The following CAST variants were observed in gnomAD, a reference collection of about 807,000 sequenced individuals.
CAST encodes MIR583 host.
In CAST, 76 loss-of-function variants were observed where a neutral mutation model predicts 119.6. The ratio of observed to expected loss-of-function variants is 0.64; its 90% CI spans 0.53 to 0.77. The LOEUF (loss-of-function observed/expected upper bound fraction) is 0.77. CAST is among the 30% of genes least tolerant of loss of function. CAST has a pLI of 0.00. For missense variants in CAST, 953 were observed against 946.5 expected (o/e 1.01, Z -0.09); for synonymous variants, 319 against 331.6 (o/e 0.96, Z 0.41).
chr5:96,493,781 G>A, the CAST span, among the ~76,000 whole-genome samples: 1 of 152,184 alleles, frequency 6.6e-6, no homozygotes, highest in Non-Finnish European at 1.5e-5. Context: ...TCTCATGCCT[G>A]TAATCCCAGC....
chr5:96,299,977 T>C, the CAST span, among the ~76,000 whole-genome samples: 7 of 152,304 alleles, frequency 4.6e-5, no homozygotes, highest in South Asian at 1.4e-3. Flanking sequence ...TCTTTACAGT[T>C]GTTTGAGTTG....
chr5:96,089,638 G>A, the CAST span, among the ~76,000 whole-genome samples: 3 of 152,190 alleles, frequency 2.0e-5, no homozygotes, highest in Non-Finnish European at 4.4e-5. Flanking sequence ...AAAAAGGGCT[G>A]TATGTATACA....
At chr5:95,963,702 T>C in the CAST span, among the ~76,000 whole-genome samples, 1 of 151,936 alleles carries the variant, frequency 6.6e-6, no homozygotes, top group Admixed American at 6.6e-5. Context: ...AATTCTGTAC[T>C]TGAACTTTTC....
At chr5:96,453,690 C>A in the CAST span, among the ~76,000 whole-genome samples, 1 of 152,158 alleles carries the variant, frequency 6.6e-6, no homozygotes, top group South Asian at 2.1e-4. Flanking sequence ...CCAAAGCATG[C>A]ATGGAATATG....
intron 3 of CAST, among the ~76,000 whole-genome samples, chr5:96,716,320 A>G (rs1418714600): frequency 2.0e-5 from 3 of 152,226 alleles, no homozygotes; most frequent in Non-Finnish European, 4.4e-5. Flanking sequence ...GACAGTCATA[A>G]CGTAAATGAC....
At chr5:96,172,339 C>A in the CAST span, among the ~76,000 whole-genome samples, 2 of 152,166 alleles carry the variant, frequency 1.3e-5, no homozygotes, top group Admixed American at 1.3e-4. Flanking sequence ...TTTTGTGATT[C>A]TTCAGTTACT....
chr5:96,738,951 A>G (rs992620200), intron 11 of CAST, among the ~76,000 whole-genome samples: 16 of 151,810 alleles, frequency 1.1e-4, no homozygotes, highest in African/African-American at 3.6e-4. Flanking sequence ...AAAAAAAAAA[A>G]AGACACGCCA....
chr5:96,096,145 C>T, the CAST span, among the ~76,000 whole-genome samples: 1 of 152,124 alleles, frequency 6.6e-6, no homozygotes, highest in Admixed American at 6.5e-5. Flanking sequence ...TCTGAAGCTG[C>T]CCTAAAAGGA....
the CAST span, among the ~76,000 whole-genome samples, chr5:96,409,538 A>T: frequency 6.6e-6 from 1 of 152,208 alleles, no homozygotes; most frequent in South Asian, 2.1e-4. Flanking sequence ...TTTCTTAAGG[A>T]GGGAGTTTTA....
At chr5:96,125,910 T>C in the CAST span, among the ~76,000 whole-genome samples, 2 of 152,134 alleles carry the variant, frequency 1.3e-5, no homozygotes, top group Non-Finnish European at 2.9e-5. Flanking sequence ...GGTTTTGACA[T>C]TGCTTACTAG....
the CAST span, among the ~76,000 whole-genome samples, chr5:96,421,582 A>C: frequency 6.6e-6 from 1 of 152,222 alleles, no homozygotes; most frequent in Non-Finnish European, 1.5e-5. Context: ...ATGGGCTCAA[A>C]GTGTGTACTC....
At chr5:96,667,456 C>A (rs76582845) in intron 1 of CAST, among the ~76,000 whole-genome samples, 97 of 152,288 alleles carry the variant, frequency 6.4e-4, no homozygotes, top group African/African-American at 2.2e-3. Flanking sequence ...TCTCATGATA[C>A]CCCCTTTGAC....
chr5:96,702,902 G>A, intron 3 of CAST: 1 of 985,492 alleles, frequency 1.0e-6, no homozygotes, highest in African/African-American at 1.7e-5. Context: ...TGCGGGGTCC[G>A]GTGTCCACGC....
the CAST span, among the ~76,000 whole-genome samples, chr5:96,070,779 G>A: frequency 2.2e-4 from 34 of 152,132 alleles, no homozygotes; most frequent in Non-Finnish European, 3.5e-4. Context: ...TATAAATTTC[G>A]TAACCACCCT....
chr5:96,442,883 CCTT>C, the CAST span, among the ~76,000 whole-genome samples: 1 of 152,172 alleles, frequency 6.6e-6, no homozygotes, highest in African/African-American at 2.4e-5. Flanking sequence ...TCCTCTTCTT[CCTT>C]CTTTATTATT....
chr5:96,076,978 T>G, the CAST span, among the ~76,000 whole-genome samples: 1 of 151,034 alleles, frequency 6.6e-6, no homozygotes. Context: ...ATAATAAAAA[T>G]ATTTTATATT....
the CAST span, among the ~76,000 whole-genome samples, chr5:96,316,433 A>G: frequency 6.6e-6 from 1 of 152,222 alleles, no homozygotes; most frequent in Non-Finnish European, 1.5e-5. Context: ...ATTGTGAGGT[A>G]TGTCTGAGAC....
chr5:96,360,242 T>C, the CAST span, among the ~76,000 whole-genome samples: 3 of 152,088 alleles, frequency 2.0e-5, no homozygotes, highest in Admixed American at 1.3e-4. Flanking sequence ...CTCTAACATT[T>C]TTTCAAGGTT....
At chr5:96,286,710 T>C in the CAST span, among the ~76,000 whole-genome samples, 1 of 152,174 alleles carries the variant, frequency 6.6e-6, no homozygotes, top group Non-Finnish European at 1.5e-5. Context: ...TAACATAACA[T>C]TGAGATAATA....
Sources: gnomAD v4.1 joint callset for allele counts (sites outside exome capture counted in the v4.1 genomes callset) on GRCh38, gnomAD v4.1.1 for gene constraint, MANE v1.5 for transcripts, NCBI Gene and HGNC (gene_info 2026-07-23, HGNC 2026-07-21) for gene names.